The following CAB39L variants were observed in gnomAD, a reference collection of about 807,000 sequenced individuals.
CAB39L encodes the protein calcium binding protein 39 like.
A neutral mutation model predicts 39.1 loss-of-function variants in CAB39L; 23 were observed. The ratio of observed to expected loss-of-function variants is 0.59; its 90% CI spans 0.42 to 0.83. The LOEUF is 0.83. Ranked by LOEUF, CAB39L falls within the 40% of genes least tolerant of loss-of-function variation. The pLI is 0.00. For synonymous variants in CAB39L, 126 were observed against 137.2 expected (o/e 0.92, Z 0.57); for missense variants, 366 against 391.9 (o/e 0.93, Z 0.56).
intron 3 of CAB39L, among the ~76,000 whole-genome samples, chr13:49,409,582 G>A (rs371361368): frequency 8.5e-5 from 13 of 152,118 alleles, no homozygotes; most frequent in African/African-American, 3.1e-4. Flanking sequence ...AAGAACATAA[G>A]TGGAATAATA....
intron 6 of CAB39L, among the ~76,000 whole-genome samples, chr13:49,356,101 A>C (rs1955476614): frequency 6.6e-6 from 1 of 152,208 alleles, no homozygotes; most frequent in Admixed American, 6.5e-5. Context: ...ATGGTAAAAC[A>C]ATTAAGTTTA....
chr13:49,435,036 G>A (rs1466872909), intron 1 of CAB39L, among the ~76,000 whole-genome samples: 1 of 152,108 alleles, frequency 6.6e-6, no homozygotes, highest in Non-Finnish European at 1.5e-5. Context: ...TCTGTTGTTG[G>A]CACCTTTACC....
At chr13:49,348,555 G>A (rs947045059) in intron 7 of CAB39L, among the ~76,000 whole-genome samples, 3 of 152,146 alleles carry the variant, frequency 2.0e-5, no homozygotes, top group Admixed American at 1.3e-4. Flanking sequence ...GTGAGGGAGT[G>A]AGACCTTGTC....
At chr13:49,338,808 C>T (rs954862835) in intron 9 of CAB39L, among the ~76,000 whole-genome samples, 5 of 152,210 alleles carry the variant, frequency 3.3e-5, no homozygotes, top group South Asian at 2.1e-4. Context: ...GAATCTCTCC[C>T]GTAAATATCA....
At chr13:49,377,782 T>A (rs1276521020) in intron 4 of CAB39L, among the ~76,000 whole-genome samples, 9 of 92,930 alleles carry the variant, frequency 9.7e-5, no homozygotes, top group South Asian at 7.0e-4. Context: ...CCTCCCAAAG[T>A]GCCGAGATTG....
At chr13:49,371,183 T>C (rs1955905853) in intron 5 of CAB39L, among the ~76,000 whole-genome samples, 1 of 123,442 alleles carries the variant, frequency 8.1e-6, no homozygotes, top group African/African-American at 3.1e-5. Flanking sequence ...CTTTTTCTTT[T>C]TCTTTCTTTT....
intron 3 of CAB39L, among the ~76,000 whole-genome samples, chr13:49,397,891 A>C (rs1956676237): frequency 2.0e-5 from 3 of 152,128 alleles, no homozygotes; most frequent in Non-Finnish European, 4.4e-5. Flanking sequence ...GGAGACTCAT[A>C]ATTCAGTTTT....
chr13:49,327,244 TTCTTCTCCTGAGATGACCATTA>T (rs1954530727), intron 10 of CAB39L, among the ~76,000 whole-genome samples: 1 of 152,176 alleles, frequency 6.6e-6, no homozygotes, highest in African/African-American at 2.4e-5. Flanking sequence ...TCTTCCCTAC[TTCTTCTCCTGAGATGACCATTA>T]TCCTGAATTT....
intron 6 of CAB39L, among the ~76,000 whole-genome samples, chr13:49,353,099 A>T (rs1439006916): frequency 6.6e-6 from 1 of 152,244 alleles, no homozygotes; most frequent in Non-Finnish European, 1.5e-5. Flanking sequence ...ACAAATATTG[A>T]GTATTCCCTG....
At chr13:49,372,699 C>G (rs1218686394) in intron 5 of CAB39L, among the ~76,000 whole-genome samples, 1 of 152,148 alleles carries the variant, frequency 6.6e-6, no homozygotes. Flanking sequence ...GAGATGGAGT[C>G]TCGCTCTGTC....
At position 49,310,827 on chromosome 13, in the gene CAB39L, T is replaced by G; in HGVS notation, c.1001A>C (p.Lys334Thr). 1 of 1,614,062 alleles carries G rather than the reference T, an allele frequency of 6.2e-7. No individual in the cohort carries two copies. Among genetic ancestry groups the G allele is most frequent in the Non-Finnish European group, 8.5e-7 (1 of 1,179,960 alleles). The change falls in exon 11 of 11, where the codon AAA becomes ACA. Residue 334 changes from lysine to threonine, a missense_variant. Coordinates refer to ENST00000409308, the MANE Select transcript of CAB39L (RefSeq NM_001079670.3). ...YLIKQIRDLK[K>T]TAP ...CCGGGGAGCTCTTCAAGGGGCCGTT[T>G]TCTTCAAGTCTCGGATCTGTTTAAT...
intron 5 of CAB39L, among the ~76,000 whole-genome samples, chr13:49,374,261 T>C (rs1241136311): frequency 1.3e-5 from 2 of 152,214 alleles, no homozygotes; most frequent in Non-Finnish European, 1.5e-5. Flanking sequence ...ATAATAGTTT[T>C]GAATCATCAG....
chr13:49,334,466 C>T (rs1954797080), intron 9 of CAB39L, among the ~76,000 whole-genome samples: 1 of 152,152 alleles, frequency 6.6e-6, no homozygotes, highest in Non-Finnish European at 1.5e-5. Flanking sequence ...ACTTCCCCAG[C>T]TCCAAAATCT....
rs371197248 is a variant in CAB39L at position 49,339,667 on chromosome 13, T to C, written c.690+10A>G. The stretch of plus-strand genomic sequence containing the variant: ...TACGGGGACACTGACTTAAAGAAAT[T>C]TGATATTACCTTTAAAGACTGTCTC... On this transcript the variant is annotated intron_variant, in intron 9 of 10. Transcript: ENST00000409308. The C allele has an allele frequency of 1.4e-4, 224 of 1,561,592 alleles. 1 individual carries two copies. In the African/African-American group the frequency reaches 2.7e-3, roughly 19 times the overall value.
At chr13:49,404,852 T>C (rs773398711) in intron 3 of CAB39L, among the ~76,000 whole-genome samples, 33 of 152,064 alleles carry the variant, frequency 2.2e-4, no homozygotes, top group Non-Finnish European at 3.4e-4. Context: ...ATTAGTGAGC[T>C]TGAAGACAGA....
intron 10 of CAB39L, among the ~76,000 whole-genome samples, chr13:49,330,435 G>T (rs1009619208): frequency 6.6e-6 from 1 of 151,946 alleles, no homozygotes; most frequent in East Asian, 1.9e-4. Flanking sequence ...GACCAGCCTG[G>T]GCAACACAGC....
At chr13:49,339,254 C>T (rs991634956) in intron 9 of CAB39L, among the ~76,000 whole-genome samples, 1 of 151,714 alleles carries the variant, frequency 6.6e-6, no homozygotes, top group Admixed American at 6.6e-5. Flanking sequence ...CCTCAGCCTC[C>T]CGAGTAGCTG....
intron 5 of CAB39L, among the ~76,000 whole-genome samples, chr13:49,374,191 C>T (rs931903398): frequency 1.3e-4 from 20 of 151,916 alleles, no homozygotes; most frequent in African/African-American, 4.6e-4. Flanking sequence ...GTATGTGTCA[C>T]GTCAATTGAA....
At chr13:49,318,922 T>C (rs1278002303) in intron 10 of CAB39L, among the ~76,000 whole-genome samples, 1 of 152,034 alleles carries the variant, frequency 6.6e-6, no homozygotes, top group Non-Finnish European at 1.5e-5. Flanking sequence ...ATTTGTGGTA[T>C]ACCCATGCAA....
Sources: allele counts gnomAD v4.1 joint callset (sites outside exome capture counted in the v4.1 genomes callset), GRCh38; gene constraint gnomAD v4.1.1; transcripts MANE v1.5; gene names NCBI Gene and HGNC (gene_info 2026-07-23, HGNC 2026-07-21).